The following DMD variants were observed in gnomAD, a reference collection of about 807,000 sequenced individuals.
DMD encodes the protein mutant dystrophin.
A neutral mutation model predicts 330.1 loss-of-function variants in DMD; 63 were observed. That is an observed-to-expected ratio of 0.19 (90% CI 0.16 to 0.24). The LOEUF is 0.24. DMD is among the 10% of genes least tolerant of loss of function. The pLI is 1.00. For missense variants in DMD, 3,344 were observed against 2,684.1 expected (o/e 1.25, Z -5.43); for synonymous variants, 1,223 against 959.8 (o/e 1.27, Z -5.07).
At chrX:32,881,382 C>T (rs1013378899) in intron 2 of DMD, among the ~76,000 whole-genome samples, 16 of 112,326 alleles carry the variant, frequency 1.4e-4, no homozygotes, top group South Asian at 7.4e-4. Flanking sequence ...TGTATACTTA[C>T]GCAATGTTAG....
chrX:31,314,787 A>T (rs1601807896), intron 62 of DMD, among the ~76,000 whole-genome samples: 1 of 105,741 alleles, frequency 9.5e-6, no homozygotes, highest in Non-Finnish European at 2.0e-5. Flanking sequence ...AGAGTGTTTT[A>T]CCGTGTTAAC....
intron 57 of DMD, 141 bp from the exon 58 acceptor site, chrX:31,479,244 AT>A (rs953655014): frequency 1.8e-4 from 129 of 713,518 alleles, no homozygotes; most frequent in East Asian, 8.4e-4. Context: ...TTATAAAATG[AT>A]TTTTTTTAAA....
intron 55 of DMD, among the ~76,000 whole-genome samples, chrX:31,626,623 C>T (rs969375826): frequency 2.7e-5 from 3 of 110,751 alleles, no homozygotes; most frequent in Admixed American, 9.7e-5. Context: ...GCCACTGTTA[C>T]GTACTCTATG....
At chrX:31,160,999 G>A (rs956217314) in intron 74 of DMD, among the ~76,000 whole-genome samples, 3 of 111,510 alleles carry the variant, frequency 2.7e-5, no homozygotes, top group African/African-American at 9.8e-5. Flanking sequence ...CTGGCCATAT[G>A]AAGTGTCCTT....
At chrX:32,805,090 A>T (rs781539337) in intron 7 of DMD, among the ~76,000 whole-genome samples, 1 of 111,877 alleles carries the variant, frequency 8.9e-6, no homozygotes, top group Admixed American at 9.5e-5. Context: ...ACCAAACAAG[A>T]GAACAAAACT....
At chrX:32,399,159 C>T (rs1412864938) in intron 30 of DMD, among the ~76,000 whole-genome samples, 1 of 111,903 alleles carries the variant, frequency 8.9e-6, no homozygotes, top group African/African-American at 3.2e-5. Flanking sequence ...GAGAAACCTC[C>T]AGAACATTGG....
intron 52 of DMD, among the ~76,000 whole-genome samples, chrX:31,726,084 A>G (rs964346923): frequency 1.8e-5 from 2 of 112,275 alleles, no homozygotes; most frequent in African/African-American, 6.5e-5. Flanking sequence ...AAAATGAGCA[A>G]TTCGAATATT....
In DMD at chrX:32,416,124, T is replaced by G. The variant is rs562333132; in HGVS notation, c.4072-4211A>C. 5.4e-5 allele frequency among the ~76,000 whole-genome samples: 6 copies of G among 111,532 alleles called. No individual in the cohort carries two copies. In the South Asian group the frequency reaches 2.2e-3, roughly 41 times the overall value. On this transcript the variant is annotated intron_variant, in intron 29 of 78. Coordinates refer to ENST00000357033, the MANE Select transcript of DMD (RefSeq NM_004006.3). The stretch of plus-strand genomic sequence containing the variant: ...GCATGTGAAATAAAAAACCGAATAT[T>G]GAAACCAAAAAATGTATTTAACATA...
chrX:31,231,574 A>T (rs1232798498), intron 63 of DMD, among the ~76,000 whole-genome samples: 1 of 112,534 alleles, frequency 8.9e-6, no homozygotes, highest in Non-Finnish European at 1.9e-5. Context: ...AAGGAGATGG[A>T]TAATAATCAA....
At chrX:32,452,199 G>A (rs1296629783) in intron 26 of DMD, among the ~76,000 whole-genome samples, 1 of 105,838 alleles carries the variant, frequency 9.4e-6, no homozygotes, top group Non-Finnish European at 2.0e-5. Flanking sequence ...CGGATCTGAG[G>A]TAGTGGCCAT....
chrX:31,513,650 G>A (rs1238054019), intron 55 of DMD, among the ~76,000 whole-genome samples: 1 of 111,120 alleles, frequency 9.0e-6, no homozygotes, highest in Non-Finnish European at 1.9e-5. Context: ...TTTTGTGATT[G>A]TAGTCTTTAG....
At chrX:31,816,098 T>G (rs754426934) in intron 50 of DMD, among the ~76,000 whole-genome samples, 1 of 112,338 alleles carries the variant, frequency 8.9e-6, no homozygotes, top group African/African-American at 3.2e-5. Context: ...AGAGCAAACT[T>G]CAGACACACA....
rs1020346041 is a variant in DMD, at chrX:31,755,010, C to T, written c.7542+18950G>A. Among the ~76,000 whole-genome samples, 14 of 111,574 alleles carry T rather than the reference C, an allele frequency of 1.3e-4. No individual in the cohort carries two copies. The Admixed American group carries it at 1.3e-3, about 11-fold the overall frequency. The stretch of plus-strand genomic sequence containing the variant: ...TTATTAATTACATATGTTTTTATAT[C>T]TATAATATACTTATATTCTGATGTG... On this transcript the variant is annotated intron_variant, in intron 51 of 78. Transcript: ENST00000357033.
chrX:32,448,330 T>C lies in DMD; in HGVS notation c.3786+126A>G, dbSNP rs1371082357. 5 of 719,738 alleles carry C rather than the reference T, an allele frequency of 6.9e-6. No homozygotes were observed. The Admixed American group carries it at 7.5e-5, about 11-fold the overall frequency. 59.3% of individuals were successfully genotyped at this position (719,738 alleles called of 1,213,427 possible). A position where few individuals can be genotyped will look rare whatever the true frequency, so the allele number is the denominator to read the frequency against. On this transcript the variant is annotated intron_variant, in intron 27 of 78. Transcript: ENST00000357033. ...AAATGGCCCAAAGTCATACAACTTA[T>C]AAGTGCCTGAATGAGGAATTCAAGC...
chrX:32,146,338 C>CAGGGAG (rs766402254), intron 44 of DMD, among the ~76,000 whole-genome samples: 3 of 110,512 alleles, frequency 2.7e-5, no homozygotes, highest in Non-Finnish European at 5.7e-5. Flanking sequence ...GTGACAGAGA[C>CAGGGAG]AGGGAGAGGG....
chrX:32,417,663 T>C (rs1380440095), intron 29 of DMD, among the ~76,000 whole-genome samples: 1 of 111,338 alleles, frequency 9.0e-6, no homozygotes, highest in Non-Finnish European at 1.9e-5. Context: ...CCAGGAACAC[T>C]CTTTATGGAG....
At chrX:33,139,161 G>A (rs897575186) in intron 1 of DMD, among the ~76,000 whole-genome samples, 4 of 111,012 alleles carry the variant, frequency 3.6e-5, no homozygotes, top group Non-Finnish European at 7.5e-5. Context: ...TGAGCCAGAT[G>A]TGGTGGCGCA....
chrX:32,004,394 C>T (rs2150372790), intron 44 of DMD, among the ~76,000 whole-genome samples: 1 of 111,775 alleles, frequency 8.9e-6, no homozygotes, highest in African/African-American at 3.2e-5. Flanking sequence ...AACAGTATGT[C>T]TTTTAATAAA....
chrX:31,503,166 T>C (rs1235065066), intron 56 of DMD, among the ~76,000 whole-genome samples: 1 of 112,380 alleles, frequency 8.9e-6, no homozygotes, highest in African/African-American at 3.2e-5. Context: ...CAAAGACATC[T>C]TAATTACTTT....
Sources: allele counts gnomAD v4.1 joint callset (sites outside exome capture counted in the v4.1 genomes callset), GRCh38; gene constraint gnomAD v4.1.1; transcripts MANE v1.5; gene names NCBI Gene and HGNC (gene_info 2026-07-23, HGNC 2026-07-21).